RIMS2: variants seen among roughly 807,000 people sequenced by gnomAD.
The protein encoded by RIMS2 is regulating synaptic membrane exocytosis 2, also known as regulating synaptic membrane exocytosis protein 2.
In RIMS2, 59 loss-of-function variants were observed where a neutral mutation model predicts 174.4. The ratio of observed to expected loss-of-function variants is 0.34; its 90% CI spans 0.27 to 0.42. The LOEUF (loss-of-function observed/expected upper bound fraction) is 0.42. Ranked by LOEUF, RIMS2 falls within the 10% of genes least tolerant of loss-of-function variation. The probability of loss-of-function intolerance (pLI) is 1.00; values close to 1 mark genes in which losing one functional copy is unlikely to be tolerated. For missense variants in RIMS2, 1,620 were observed against 1,666.3 expected (o/e 0.97, Z 0.48); for synonymous variants, 606 against 572.5 (o/e 1.06, Z -0.84).
At chr8:103,588,236 G>T (rs905777134) in intron 1 of RIMS2, among the ~76,000 whole-genome samples, 3 of 151,536 alleles carry the variant, frequency 2.0e-5, no homozygotes, top group African/African-American at 7.3e-5. Flanking sequence ...AAACACTGAA[G>T]AAAAAAATTA....
chr8:104,187,218 A>G (rs1218659316), intron 19 of RIMS2, among the ~76,000 whole-genome samples: 1 of 151,832 alleles, frequency 6.6e-6, no homozygotes, highest in Non-Finnish European at 1.5e-5. Flanking sequence ...TTGTAGAAAT[A>G]TAAATATGGA....
intron 3 of RIMS2, among the ~76,000 whole-genome samples, chr8:103,865,883 C>T (rs1496845): frequency 0.4 from 61,114 of 151,826 alleles, 12,741 homozygotes; most frequent in African/African-American, 0.44. Context: ...TTTTCTAACA[C>T]TGGAAAATTG....
At position 104,058,503 on chromosome 8, in the gene RIMS2, T is replaced by C. The variant is rs1597934709; in HGVS notation, c.3334+43888T>C. On this transcript the variant is annotated intron_variant, in intron 19 of 23. Coordinates refer to ENST00000504942, the Ensembl canonical transcript of RIMS2. ...AGATGAGTAGGTTGCAAAAATTTTC[T>C]CCCATGTTGTAGGTTGCCTGTTCAC... 1.1e-4 allele frequency among the ~76,000 whole-genome samples: 17 copies of C among 150,648 alleles called. No homozygotes were observed. The South Asian group carries it at 3.6e-3, about 32-fold the overall frequency.
chr8:104,052,037 A>G (rs1202387691), intron 19 of RIMS2, among the ~76,000 whole-genome samples: 3 of 152,208 alleles, frequency 2.0e-5, no homozygotes, highest in African/African-American at 7.2e-5. Flanking sequence ...TGAAAACATT[A>G]CTGAAGAAAA....
chr8:103,551,589 G>A (rs1847948892), intron 1 of RIMS2, among the ~76,000 whole-genome samples: 1 of 152,162 alleles, frequency 6.6e-6, no homozygotes, highest in African/African-American at 2.4e-5. Context: ...AGTGTTGGAA[G>A]TTCTGGCCAG....
At position 103,754,622 on chromosome 8, in the gene RIMS2, G is replaced by A. The variant is rs543839818; in HGVS notation, c.388-11605G>A. 3.7e-4 allele frequency among the ~76,000 whole-genome samples: 56 copies of A among 152,210 alleles called. No individual in the cohort carries two copies. In the South Asian group the frequency reaches 0.011, roughly 31 times the overall value. ...ATGAATCTGGGTGATCCTGTATTGA[G>A]TATATATATATTTAGGATAGTTAGC... On this transcript the variant is annotated intron_variant, in intron 2 of 23. Coordinates refer to ENST00000504942, the Ensembl canonical transcript of RIMS2.
chr8:103,745,192 C>T (rs1430719062), intron 2 of RIMS2, among the ~76,000 whole-genome samples: 1 of 152,184 alleles, frequency 6.6e-6, no homozygotes, highest in Non-Finnish European at 1.5e-5. Context: ...CCCTTACTTC[C>T]CTATACCCCT....
intron 19 of RIMS2, among the ~76,000 whole-genome samples, 155 bp from the exon 23 acceptor site, chr8:104,068,357 A>G (rs1338646743): frequency 2.6e-5 from 4 of 152,210 alleles, no homozygotes; most frequent in Non-Finnish European, 4.4e-5. Context: ...TATACTTTAA[A>G]TAAATCTGTA....
At chr8:103,878,035 G>A (rs558070347) in intron 3 of RIMS2, among the ~76,000 whole-genome samples, 5 of 151,904 alleles carry the variant, frequency 3.3e-5, no homozygotes, top group African/African-American at 9.6e-5. Flanking sequence ...CTGTTGAGAC[G>A]TGATTTGATT....
intron 19 of RIMS2, among the ~76,000 whole-genome samples, chr8:104,111,046 A>G (rs1281508217): frequency 1.3e-5 from 2 of 152,160 alleles, no homozygotes; most frequent in Admixed American, 6.5e-5. Flanking sequence ...ATTATGGTAC[A>G]AAATATGGGG....
chr8:103,909,215 T>C (rs973645597), intron 4 of RIMS2, among the ~76,000 whole-genome samples: 4 of 152,106 alleles, frequency 2.6e-5, no homozygotes, highest in Admixed American at 6.5e-5. Flanking sequence ...CTTAGCACAA[T>C]ACATACCAAA....
chr8:104,013,878 C>T (rs1034398304), intron 18 of RIMS2, among the ~76,000 whole-genome samples: 1 of 152,130 alleles, frequency 6.6e-6, no homozygotes, highest in Non-Finnish European at 1.5e-5. Context: ...TGGGTAAATT[C>T]TGTCATTAAC....
At chr8:103,707,877 C>T (rs894191072) in intron 2 of RIMS2, among the ~76,000 whole-genome samples, 5 of 152,176 alleles carry the variant, frequency 3.3e-5, no homozygotes, top group Non-Finnish European at 7.3e-5. Flanking sequence ...TCCTTTTGGC[C>T]TAGGGTGCGT....
At chr8:103,586,951 G>A (rs1199706497) in intron 1 of RIMS2, among the ~76,000 whole-genome samples, 1 of 151,982 alleles carries the variant, frequency 6.6e-6, no homozygotes, top group Admixed American at 6.6e-5. Flanking sequence ...TGGTTACTAT[G>A]AGCTACTGTA....
intron 2 of RIMS2, among the ~76,000 whole-genome samples, chr8:103,699,352 G>T (rs993476633): frequency 6.6e-6 from 1 of 152,006 alleles, no homozygotes; most frequent in Admixed American, 6.6e-5. Flanking sequence ...TTGGCCTCCC[G>T]AGTAGCAGGA....
At chr8:103,756,231 C>T (rs1436658932) in intron 2 of RIMS2, among the ~76,000 whole-genome samples, 1 of 151,998 alleles carries the variant, frequency 6.6e-6, no homozygotes, top group African/African-American at 2.4e-5. Flanking sequence ...CACTCCAGAC[C>T]CTGTTTGCCT....
chr8:103,832,412 C>A (rs183900728), intron 3 of RIMS2, among the ~76,000 whole-genome samples: 1 of 151,992 alleles, frequency 6.6e-6, no homozygotes, highest in East Asian at 1.9e-4. Context: ...TTCAGGGGTG[C>A]ATGTGCAGAT....
intron 14 of RIMS2, among the ~76,000 whole-genome samples, chr8:103,951,541 A>T (rs1411022150): frequency 6.6e-6 from 1 of 152,138 alleles, no homozygotes; most frequent in Non-Finnish European, 1.5e-5. Flanking sequence ...AAGGGAACCC[A>T]TTAGGGACTG....
intron 1 of RIMS2, among the ~76,000 whole-genome samples, chr8:103,675,084 G>C (rs1012787337): frequency 1.7e-4 from 26 of 152,208 alleles, no homozygotes; most frequent in African/African-American, 6.3e-4. Flanking sequence ...CTAATTTTTT[G>C]TATTTTTAGT....
Sources: allele counts gnomAD v4.1 joint callset (sites outside exome capture counted in the v4.1 genomes callset), GRCh38; gene constraint gnomAD v4.1.1; transcripts MANE v1.5; gene names NCBI Gene and HGNC (gene_info 2026-07-23, HGNC 2026-07-21).